Variants in OSBPL6 observed in about 807,000 individuals in gnomAD.
OSBPL6 encodes the protein oxysterol-binding protein-related protein 6.
In OSBPL6, 49 loss-of-function variants were observed where a neutral mutation model predicts 125.8. That is an observed-to-expected ratio of 0.39 (90% CI 0.31 to 0.49). The LOEUF (loss-of-function observed/expected upper bound fraction) is 0.49, where lower values mean the gene tolerates loss of function less well. Among genes scored for constraint, OSBPL6 ranks in the 20% least tolerant of loss-of-function variants. The pLI is 0.88. For missense variants in OSBPL6, 986 were observed against 1,135.4 expected, an observed-to-expected ratio of 0.87 and a Z score of 1.89; for synonymous variants, 394 against 391.8, an observed-to-expected ratio of 1.01 and a Z score of -0.07.
intron 1 of OSBPL6, among the ~76,000 whole-genome samples, chr2:178,282,314 A>C (rs1684276665): frequency 6.6e-6 from 1 of 152,216 alleles, no homozygotes; most frequent in Admixed American, 6.5e-5. Flanking sequence ...GGAATTCCTT[A>C]GATATGGTTA....
chr2:178,373,415 A>G (rs954235784), intron 14 of OSBPL6, among the ~76,000 whole-genome samples: 8 of 152,246 alleles, frequency 5.3e-5, no homozygotes, highest in South Asian at 2.1e-4. Flanking sequence ...AAGGTTCAAT[A>G]TTCCAGTCAT....
chr2:178,271,047 C>A (rs973725199), intron 1 of OSBPL6, among the ~76,000 whole-genome samples: 1 of 152,170 alleles, frequency 6.6e-6, no homozygotes, highest in African/African-American at 2.4e-5. Flanking sequence ...CAGACTTCCA[C>A]TTGTGCCCAA....
At chr2:178,343,037 G>T (rs1349811539) in intron 11 of OSBPL6, among the ~76,000 whole-genome samples, 1 of 152,160 alleles carries the variant, frequency 6.6e-6, no homozygotes, top group Non-Finnish European at 1.5e-5. Context: ...ATACATATAT[G>T]TATGCAGAAG....
chr2:178,304,257 A>T (rs1053565375), intron 2 of OSBPL6, among the ~76,000 whole-genome samples: 1 of 152,162 alleles, frequency 6.6e-6, no homozygotes, highest in Non-Finnish European at 1.5e-5. Context: ...ATAAAGACAT[A>T]CCCAAGAGCA....
chr2:178,285,137 A>G lies in OSBPL6; in HGVS notation c.-156+16A>G, dbSNP rs1284047410. ...AAGGTGCAAGGTGAGTTAGAAGAAC[A>G]CAAGCTTAAAACCAAAAGCAGGGTT... On this transcript the variant is annotated intron_variant, in intron 2 of 24. Transcript: ENST00000190611. 1 of 398,420 alleles carries G rather than the reference A, an allele frequency of 2.5e-6. No homozygotes were observed. Among genetic ancestry groups the G allele is most frequent in the Non-Finnish European group, 4.4e-6 (1 of 225,904 alleles). The allele number at this position is 398,420 out of a possible 1,614,324, so 24.7% of individuals were successfully genotyped here.
At chr2:178,235,346 A>G (rs13398301) in intron 1 of OSBPL6, among the ~76,000 whole-genome samples, 21,400 of 114,478 alleles carry the variant, frequency 0.19, 3,533 homozygotes, top group African/African-American at 0.45. Flanking sequence ...AGATATTTTT[A>G]TACAATTTCT....
At chr2:178,369,129 T>C (rs528385689) in intron 13 of OSBPL6, among the ~76,000 whole-genome samples, 5 of 152,142 alleles carry the variant, frequency 3.3e-5, no homozygotes, top group Non-Finnish European at 7.4e-5. Context: ...TAACTGAGAT[T>C]TATCTCTTTT....
chr2:178,225,686 A>G (rs1238108874), intron 1 of OSBPL6, among the ~76,000 whole-genome samples: 1 of 152,228 alleles, frequency 6.6e-6, no homozygotes, highest in East Asian at 1.9e-4. Context: ...CAATCATGGC[A>G]GAAGGCAAGG....
At chr2:178,304,276 A>G (rs1686557797) in intron 2 of OSBPL6, among the ~76,000 whole-genome samples, 1 of 152,212 alleles carries the variant, frequency 6.6e-6, no homozygotes, top group South Asian at 2.1e-4. Flanking sequence ...CACCTAATTT[A>G]TAAAGGAAAG....
At chr2:178,236,124 C>T (rs2091042730) in intron 1 of OSBPL6, among the ~76,000 whole-genome samples, 1 of 151,986 alleles carries the variant, frequency 6.6e-6, no homozygotes, top group African/African-American at 2.4e-5. Flanking sequence ...CTAGTTGCTA[C>T]AGTCTCTTAA....
intron 1 of OSBPL6, among the ~76,000 whole-genome samples, chr2:178,207,269 T>A (rs937327478): frequency 6.6e-6 from 1 of 152,212 alleles, no homozygotes; most frequent in Non-Finnish European, 1.5e-5. Flanking sequence ...CATGGCCACA[T>A]AACTCAAAAT....
intron 1 of OSBPL6, among the ~76,000 whole-genome samples, chr2:178,250,178 C>A (rs1305773197): frequency 6.6e-6 from 1 of 152,168 alleles, no homozygotes; most frequent in African/African-American, 2.4e-5. Flanking sequence ...AGACTGAATT[C>A]TTGATGCTTC....
At chr2:178,231,541 C>T (rs1574562067) in intron 1 of OSBPL6, among the ~76,000 whole-genome samples, 1 of 152,100 alleles carries the variant, frequency 6.6e-6, no homozygotes. Flanking sequence ...ACCAAGGACT[C>T]CTGTACCCTT....
intron 11 of OSBPL6, among the ~76,000 whole-genome samples, chr2:178,348,236 G>A (rs1482051835): frequency 5.9e-5 from 9 of 152,200 alleles, no homozygotes; most frequent in Admixed American, 5.9e-4. Flanking sequence ...TTAGCCAGGG[G>A]GTGTGAATTA....
In OSBPL6 at chr2:178,279,659, C is replaced by T. The variant is rs545767243; in HGVS notation, c.-350-5268C>T. Among the ~76,000 whole-genome samples the T allele has an allele frequency of 3.6e-4, 55 of 152,274 alleles. No individual in the cohort carries two copies. The South Asian group carries it at 0.011, about 31-fold the overall frequency. On this transcript the variant is annotated intron_variant, in intron 1 of 24. Transcript: ENST00000190611. Reference sequence around the variant, plus strand: ...GTACGAAAACGCATGTGTGTGCACGCGTGTGCATGCACACACACGCATGCA... The same window carrying T: ...GTACGAAAACGCATGTGTGTGCACGTGTGTGCATGCACACACACGCATGCA...
At chr2:178,255,267 G>A (rs544135703) in intron 1 of OSBPL6, among the ~76,000 whole-genome samples, 8 of 152,354 alleles carry the variant, frequency 5.3e-5, no homozygotes, top group Admixed American at 5.2e-4. Context: ...TTGTGGCACT[G>A]CACTCCAGCC....
chr2:178,272,034 T>C (rs1275580432), intron 1 of OSBPL6, among the ~76,000 whole-genome samples: 2 of 152,212 alleles, frequency 1.3e-5, no homozygotes, highest in East Asian at 3.8e-4. Context: ...TCAAAACTCA[T>C]TTACGTAACA....
intron 1 of OSBPL6, among the ~76,000 whole-genome samples, chr2:178,263,820 T>TGTGTGTGTGTGC: frequency 6.6e-6 from 1 of 151,624 alleles, no homozygotes; most frequent in Non-Finnish European, 1.5e-5. Context: ...TGTGTGTGTG[T>TGTGTGTGTGTGC]GTGTGTGTGT....
chr2:178,235,780 A>G (rs2091032781), intron 1 of OSBPL6, among the ~76,000 whole-genome samples: 1 of 151,972 alleles, frequency 6.6e-6, no homozygotes, highest in African/African-American at 2.4e-5. Flanking sequence ...TTAACAATCT[A>G]ATTTTTAGAT....
Sources: gnomAD v4.1 joint callset for allele counts (sites outside exome capture counted in the v4.1 genomes callset) on GRCh38, gnomAD v4.1.1 for gene constraint, MANE v1.5 for transcripts, NCBI Gene and HGNC (gene_info 2026-07-23, HGNC 2026-07-21) for gene names.